Variants in DROSHA observed in about 807,000 individuals in gnomAD.
The protein encoded by DROSHA is ribonuclease 3.
Under a neutral mutation model 181.9 loss-of-function variants are expected in DROSHA, and 56 were observed. The observed-to-expected ratio is 0.31, with a 90% CI of 0.25 to 0.38. DROSHA has a LOEUF of 0.38. Ranked by LOEUF, DROSHA falls within the 10% of genes least tolerant of loss-of-function variation. The pLI is 1.00. For synonymous variants in DROSHA, 524 were observed against 591.2 expected (o/e 0.89, Z 1.65); for missense variants, 1,218 against 1,743.5 (o/e 0.70, Z 5.37).
intron 16 of DROSHA, among the ~76,000 whole-genome samples, chr5:31,481,225 C>T (rs748751133): frequency 2.0e-5 from 3 of 152,064 alleles, no homozygotes; most frequent in Admixed American, 6.5e-5. Context: ...CTGTATCCTT[C>T]GGGGTCTTCT....
At chr5:31,480,233 T>C (rs551366800) in intron 16 of DROSHA, among the ~76,000 whole-genome samples, 15 of 133,176 alleles carry the variant, frequency 1.1e-4, no homozygotes, top group East Asian at 1.1e-3. Flanking sequence ...CCATTAATCA[T>C]AGATAGGTTT....
chr5:31,420,649 G>A (rs889387025), intron 30 of DROSHA, among the ~76,000 whole-genome samples: 2 of 151,758 alleles, frequency 1.3e-5, no homozygotes, highest in Non-Finnish European at 1.5e-5. Context: ...ATGCCTTTTC[G>A]TTCTGCAGTC....
intron 22 of DROSHA, 114 bp from the exon 23 acceptor site, chr5:31,448,721 A>T (rs1746598405): frequency 1.3e-6 from 1 of 754,738 alleles, no homozygotes; most frequent in South Asian, 1.7e-5. Flanking sequence ...AAAGGTTTGG[A>T]ATCTACCTGT....
At chr5:31,403,619 T>G (rs1358456508) in intron 35 of DROSHA, among the ~76,000 whole-genome samples, 1 of 152,226 alleles carries the variant, frequency 6.6e-6, no homozygotes, top group African/African-American at 2.4e-5. Flanking sequence ...GGTAAACTAC[T>G]ATCCACAGGC....
At chr5:31,484,100 A>G (rs752881382) in intron 15 of DROSHA, among the ~76,000 whole-genome samples, 2 of 152,144 alleles carry the variant, frequency 1.3e-5, no homozygotes, top group Non-Finnish European at 2.9e-5. Flanking sequence ...CGCTGGGCGC[A>G]GTGGCTCACG....
Position 31,507,906 on chromosome 5 carries a change from T to TA in DROSHA, c.1587+714dup, listed in dbSNP as rs921076705. ...AAATACATTTCTGCCAGACGTTCTA[T>TA]AAAAAAAAGATGGATAGCTGTCATC... is the stretch of plus-strand genomic sequence containing the variant. On this transcript the variant is annotated intron_variant, in intron 10 of 35. Coordinates refer to ENST00000344624, the MANE Select transcript of DROSHA (RefSeq NM_001382508.1). Among the ~76,000 whole-genome samples the TA allele has an allele frequency of 4.6e-5, 7 of 151,966 alleles. No homozygotes were observed. The East Asian group carries it at 1.4e-3, about 29-fold the overall frequency.
Position 31,526,311 on chromosome 5 carries a change from G to A in DROSHA, c.622C>T (p.Pro208Ser). ...NSSSPHFRHL[P>S]PYPLPKAPSE... ...GGAGCCTTTGGGAGTGGGTATGGAG[G>A]GAGATGTCTGAAATGAGGACTACTG... Residue 208 changes from proline to serine, a missense_variant, in exon 5 of 36, where the codon CCT becomes TCT. Physicochemically the swap from Pro to Ser is moderately conservative, Grantham distance 74. Around this residue, in one of 8 missense-constraint regions of DROSHA, gnomAD observed 536 missense variants for 535.4 expected, o/e 1.00. Coordinates refer to ENST00000344624, the MANE Select transcript of DROSHA (RefSeq NM_001382508.1). 1 of 1,613,934 alleles carries A rather than the reference G, an allele frequency of 6.2e-7. No individual in the cohort carries two copies. Among genetic ancestry groups the A allele is most frequent in the East Asian group, 2.2e-5 (1 of 44,862 alleles).
At chr5:31,464,713 A>C (rs1473532030) in intron 19 of DROSHA, among the ~76,000 whole-genome samples, 2 of 151,870 alleles carry the variant, frequency 1.3e-5, no homozygotes, top group East Asian at 3.9e-4. Flanking sequence ...TCTAAGAAAG[A>C]AAGCAAATTA....
At chr5:31,403,447 A>G (rs1385925939) in intron 35 of DROSHA, among the ~76,000 whole-genome samples, 3 of 152,200 alleles carry the variant, frequency 2.0e-5, no homozygotes, top group Non-Finnish European at 4.4e-5. Flanking sequence ...ATACACCTAG[A>G]CACTTGAACA....
At chr5:31,525,948 C>G in intron 5 of DROSHA, 131 bp downstream of exon 5, 1 of 943,502 alleles carries the variant, frequency 1.1e-6, no homozygotes. Flanking sequence ...AAACAGAGTC[C>G]AAAATGTGCT....
In DROSHA at chr5:31,422,208, AG is replaced by A. The variant is rs1442544441; in HGVS notation, c.3419+578del. Reference sequence around the variant, plus strand: ...TATGATAAGAATCTTTCATCTTTACAGGTTAAAGAGAGTTGGAAATATTTGG... The same window carrying A: ...TATGATAAGAATCTTTCATCTTTACAGTTAAAGAGAGTTGGAAATATTTGG... On this transcript the variant is annotated intron_variant, in intron 29 of 35. Transcript: ENST00000344624. 3.3e-5 allele frequency among the ~76,000 whole-genome samples: 5 copies of A among 152,070 alleles called. No individual in the cohort carries two copies. In the South Asian group the frequency reaches 8.3e-4, roughly 25 times the overall value.
intron 11 of DROSHA, among the ~76,000 whole-genome samples, chr5:31,498,808 A>T (rs1415894748): frequency 1.3e-5 from 2 of 151,880 alleles, no homozygotes; most frequent in Admixed American, 6.6e-5. Flanking sequence ...GGTGAGCCGA[A>T]ATCACACCAT....
In DROSHA at chr5:31,401,253, TTGTAA is replaced by T; in HGVS notation, c.*174_*178del. 1.2e-6 allele frequency: 1 copy of T among 818,438 alleles called. No individual in the cohort carries two copies. The highest frequency in any genetic ancestry group is 1.9e-6 in the Non-Finnish European group (1 of 515,754). The allele number at this position is 818,438 out of a possible 1,614,324, so 50.7% of individuals were successfully genotyped here. Reference sequence around the variant, plus strand: ...TTAAATAGAAGAAAAATCTAATACTTTGTAATAAAGACCATCCAGCTAAAAACAGA... The same window carrying T: ...TTAAATAGAAGAAAAATCTAATACTTTAAAGACCATCCAGCTAAAAACAGA... On this transcript the variant is annotated 3_prime_UTR_variant, in exon 36 of 36. Coordinates refer to ENST00000344624, the MANE Select transcript of DROSHA (RefSeq NM_001382508.1).
chr5:31,430,865 C>T (rs538850656), intron 26 of DROSHA, among the ~76,000 whole-genome samples: 2 of 152,132 alleles, frequency 1.3e-5, no homozygotes, highest in South Asian at 2.1e-4. Flanking sequence ...AAGAACAAAG[C>T]CCTTTGAAAG....
At chr5:31,420,515 G>A (rs917270074) in intron 30 of DROSHA, among the ~76,000 whole-genome samples, 1 of 152,186 alleles carries the variant, frequency 6.6e-6, no homozygotes, top group African/African-American at 2.4e-5. Context: ...CAAAATAAGA[G>A]GCATAGGGAC....
chr5:31,522,937 C>T (rs1490189898), intron 5 of DROSHA, among the ~76,000 whole-genome samples: 5 of 152,316 alleles, frequency 3.3e-5, no homozygotes, highest in Middle Eastern at 3.4e-3. Flanking sequence ...CTAAGACAAT[C>T]TTGCAATTGT....
chr5:31,454,319 G>A (rs1747385084), intron 20 of DROSHA, among the ~76,000 whole-genome samples: 1 of 152,140 alleles, frequency 6.6e-6, no homozygotes, highest in African/African-American at 2.4e-5. Context: ...CTACAACCAG[G>A]AGAAAGTGTT....
intron 13 of DROSHA, among the ~76,000 whole-genome samples, chr5:31,490,769 A>T (rs1752307783): frequency 6.6e-6 from 1 of 152,212 alleles, no homozygotes; most frequent in African/African-American, 2.4e-5. Flanking sequence ...AGGCTATTTC[A>T]AATTCAAGAG....
intron 19 of DROSHA, among the ~76,000 whole-genome samples, chr5:31,464,679 C>T (rs1242216256): frequency 6.6e-6 from 1 of 151,408 alleles, no homozygotes; most frequent in Non-Finnish European, 1.5e-5. Context: ...AAATTTTTAT[C>T]AAGCCTCATG....
Sources: gnomAD v4.1 joint callset for allele counts (sites outside exome capture counted in the v4.1 genomes callset) on GRCh38, gnomAD v4.1.1 for gene constraint, gnomAD v4.1.1 regional missense constraint, MANE v1.5 for transcripts, NCBI Gene and HGNC (gene_info 2026-07-23, HGNC 2026-07-21) for gene names.